The following MYOM2 variants were observed in gnomAD, a reference collection of about 807,000 sequenced individuals.
The protein encoded by MYOM2 is myomesin 2.
MYOM2 carries 254 observed loss-of-function variants against 187.6 expected under a neutral mutation model. The ratio of observed to expected loss-of-function variants is 1.35; its 90% CI spans 1.22 to 1.50. The LOEUF is 1.50. MYOM2 is among the 40% of genes most tolerant of loss of function. The pLI, the probability that MYOM2 is intolerant of heterozygous loss-of-function variation, is 0.00. For synonymous variants in MYOM2, 981 were observed against 753.8 expected (o/e 1.30, Z -4.94); for missense variants, 2,796 against 1,924.0 (o/e 1.45, Z -8.48).
At chr8:2,122,486 G>C (rs954772593) in intron 28 of MYOM2, among the ~76,000 whole-genome samples, 1 of 152,226 alleles carries the variant, frequency 6.6e-6, no homozygotes, top group Non-Finnish European at 1.5e-5. Flanking sequence ...GAAATTCTAA[G>C]CTGTGTTGCA....
At chr8:2,132,529 A>T (rs1797911443) in intron 32 of MYOM2, among the ~76,000 whole-genome samples, 1 of 152,170 alleles carries the variant, frequency 6.6e-6, no homozygotes, top group South Asian at 2.1e-4. Flanking sequence ...GAACATATTG[A>T]CCACTGAAGT....
At chr8:2,142,470 G>C (rs972985028) in intron 35 of MYOM2, 73 bp downstream of exon 35, 18 of 1,461,528 alleles carry the variant, frequency 1.2e-5, no homozygotes, top group Non-Finnish European at 1.7e-5. Context: ...TATTTTGGAG[G>C]ACCAACTTTG....
chr8:2,064,909 A>G (rs2129331862), intron 6 of MYOM2, among the ~76,000 whole-genome samples: 1 of 152,350 alleles, frequency 6.6e-6, no homozygotes, highest in East Asian at 1.9e-4. Context: ...AATTCATTGC[A>G]GTTCTCAAAA....
chr8:2,101,185 A>T, intron 20 of MYOM2, 131 bp downstream of exon 20: 1 of 841,854 alleles, frequency 1.2e-6, no homozygotes, highest in Non-Finnish European at 1.8e-6. Flanking sequence ...GTCTCTACTA[A>T]AAATACAAAA....
intron 32 of MYOM2, among the ~76,000 whole-genome samples, chr8:2,134,153 C>T (rs545356620): frequency 1.1e-4 from 16 of 152,214 alleles, no homozygotes; most frequent in African/African-American, 3.1e-4. Context: ...TTTCCAGGAA[C>T]GCCCTTTTGC....
intron 32 of MYOM2, among the ~76,000 whole-genome samples, chr8:2,139,437 G>C (rs1426314248): frequency 3.9e-5 from 6 of 152,168 alleles, no homozygotes; most frequent in Non-Finnish European, 7.3e-5. Context: ...CACCACACCC[G>C]GCCTGAGCTG....
At chr8:2,071,973 C>G (rs1427149010) in intron 8 of MYOM2, among the ~76,000 whole-genome samples, 1 of 152,208 alleles carries the variant, frequency 6.6e-6, no homozygotes, top group Non-Finnish European at 1.5e-5. Context: ...CCTCCTTACA[C>G]CGTCCCATTG....
chr8:2,106,483 CT>C lies in MYOM2; in HGVS notation c.2892-3del. 1 of 1,610,820 alleles carries C rather than the reference CT, an allele frequency of 6.2e-7. No individual in the cohort carries two copies. The highest frequency in any genetic ancestry group is 8.5e-7 in the Non-Finnish European group (1 of 1,177,248). On this transcript the variant is annotated splice_polypyrimidine_tract_variant and splice_region_variant and intron_variant, in intron 22 of 36. Transcript: ENST00000262113. Reference sequence around the variant, plus strand: ...GATCGACATTCACCTACTCTTCTTCCTTTTTAGCTCCAAGCTGTACTTAAAG... The same window carrying C: ...GATCGACATTCACCTACTCTTCTTCCTTTTAGCTCCAAGCTGTACTTAAAG...
In MYOM2 at chr8:2,072,353, T is replaced by C; in HGVS notation, c.802T>C (p.Ser268Pro). 6.2e-7 allele frequency: 1 copy of C among 1,613,300 alleles called. No homozygotes were observed. Among genetic ancestry groups the C allele is most frequent in the Non-Finnish European group, 8.5e-7 (1 of 1,179,432 alleles). ...SVGLPIGLPL[S>P]SMIPYTHFDV... is the part of the protein sequence containing the mutation. ...CCATCGTTTCTGTGCAGTGCCCCTG[T>C]CATCGATGATTCCGTACACGCACTT... is the stretch of plus-strand genomic sequence containing the variant. The change falls in exon 9 of 37, where the codon TCA (serine) becomes CCA (proline). Residue 268 changes from serine to proline, a missense_variant. Physicochemically the swap from Ser to Pro is moderately conservative, Grantham distance 74. Coordinates refer to ENST00000262113, the MANE Select transcript of MYOM2 (RefSeq NM_003970.4).
Position 2,050,854 on chromosome 8 carries a change from G to T in MYOM2, c.88G>T (p.Asp30Tyr). The T allele has an allele frequency of 6.2e-7, 1 of 1,610,860 alleles. No individual in the cohort carries two copies. The highest frequency in any genetic ancestry group is 8.5e-7 in the Non-Finnish European group (1 of 1,177,214). Residue 30 changes from aspartate (D) to tyrosine (Y), a missense_variant, in exon 2 of 37, where the codon GAC becomes TAC. Asp to Tyr is a radical substitution (Grantham distance 160). Coordinates refer to ENST00000262113, the MANE Select transcript of MYOM2 (RefSeq NM_003970.4). ...YRNIQTRYLL[D>Y]EYASKKRAST... ...TAATATTCAAACACGGTACCTGCTG[G>T]ACGAATATGCGTCAAAAAAGTAAGC...
intron 10 of MYOM2, among the ~76,000 whole-genome samples, chr8:2,075,755 A>T (rs1447836889): frequency 1.3e-5 from 2 of 152,220 alleles, no homozygotes; most frequent in Admixed American, 6.5e-5. Context: ...TTGAAATAGA[A>T]GAGTATCTCA....
chr8:2,095,335 A>G (rs1260007420), intron 17 of MYOM2, among the ~76,000 whole-genome samples: 1 of 146,870 alleles, frequency 6.8e-6, no homozygotes, highest in Non-Finnish European at 1.5e-5. Context: ...TCTGTTGCTC[A>G]GGCTGGGGTG....
intron 25 of MYOM2, among the ~76,000 whole-genome samples, chr8:2,115,725 C>G (rs1023871212): frequency 6.6e-6 from 1 of 152,180 alleles, no homozygotes; most frequent in Non-Finnish European, 1.5e-5. Context: ...CCTAGAAGGT[C>G]CCTGGTTTGG....
intron 32 of MYOM2, among the ~76,000 whole-genome samples, chr8:2,129,527 G>A (rs945532684): frequency 2.0e-5 from 3 of 152,144 alleles, no homozygotes; most frequent in African/African-American, 7.2e-5. Flanking sequence ...CTCTGGAAGC[G>A]AACAGAGAGC....
At chr8:2,066,630 C>T (rs1712008625) in intron 6 of MYOM2, among the ~76,000 whole-genome samples, 1 of 152,238 alleles carries the variant, frequency 6.6e-6, no homozygotes, top group South Asian at 2.1e-4. Context: ...GAAGCACCTC[C>T]TCCTTCCACC....
chr8:2,127,591 CGGTG>C, intron 31 of MYOM2: 1 of 164,032 alleles, frequency 6.1e-6, no homozygotes, highest in African/African-American at 2.4e-5. Flanking sequence ...CGGCGTGACG[CGGTG>C]ACGCAGCCGC....
At position 2,144,796 on chromosome 8, in the gene MYOM2, A is replaced by G. The variant is rs1230978161; in HGVS notation, c.4213A>G (p.Ile1405Val). Residue 1405 changes from isoleucine (I) to valine (V), a missense_variant, in exon 37 of 37, where the codon ATC becomes GTC. Physicochemically the swap from Ile to Val is conservative, Grantham distance 29. Coordinates refer to ENST00000262113, the MANE Select transcript of MYOM2 (RefSeq NM_003970.4). ...GCAGGCCAAGTACGTCAGCATGACC[A>G]TCAAAGGCGTGACCTCCGAGGACTC... is the stretch of plus-strand genomic sequence containing the variant. ...VEQAKYVSMT[I>V]KGVTSEDSGK... The G allele has an allele frequency of 1.9e-6, 3 of 1,614,228 alleles. No homozygotes were observed.
chr8:2,050,952 C>T, intron 2 of MYOM2, 79 bp downstream of exon 2: 2 of 1,170,442 alleles, frequency 1.7e-6, no homozygotes, highest in Non-Finnish European at 2.5e-6. Flanking sequence ...CCAGTTCCGT[C>T]AGCCCTGGAG....
chr8:2,104,107 C>A (rs773378735), intron 21 of MYOM2, among the ~76,000 whole-genome samples: 1 of 151,300 alleles, frequency 6.6e-6, no homozygotes, highest in Non-Finnish European at 1.5e-5. Context: ...GGAAGGAGGG[C>A]ATTTTTTAAA....
Sources: allele counts gnomAD v4.1 joint callset (sites outside exome capture counted in the v4.1 genomes callset), GRCh38; gene constraint gnomAD v4.1.1; transcripts MANE v1.5; gene names NCBI Gene and HGNC (gene_info 2026-07-23, HGNC 2026-07-21).